NIPBL: variants seen among roughly 807,000 people sequenced by gnomAD.
NIPBL encodes nipped-B-like protein.
Under a neutral mutation model 321.8 loss-of-function variants are expected in NIPBL, and 19 were observed. The ratio of observed to expected loss-of-function variants is 0.06; its 90% confidence interval spans 0.04 to 0.09. NIPBL has a LOEUF of 0.09. Ranked by LOEUF, NIPBL falls within the 10% of genes least tolerant of loss-of-function variation. NIPBL has a pLI of 1.00. For synonymous variants in NIPBL, 1,106 were observed against 1,114.1 expected, an observed-to-expected ratio of 0.99 and a Z score of 0.14; for missense variants, 2,210 against 3,327.0, an observed-to-expected ratio of 0.66 and a Z score of 8.26.
chr5:37,027,557 G>T (rs1750432121), intron 32 of NIPBL, 145 bp downstream of exon 32: 4 of 530,632 alleles, frequency 7.5e-6, no homozygotes, highest in African/African-American at 4.1e-5. Context: ...ATGTTAGGCT[G>T]GATGATTTTG....
intron 17 of NIPBL, 122 bp downstream of exon 17, chr5:37,006,710 T>A (rs1747474204): frequency 3.1e-6 from 2 of 645,356 alleles, no homozygotes; most frequent in African/African-American, 1.8e-5. Flanking sequence ...TGATTTTGAT[T>A]ATGGATTTGA....
intron 1 of NIPBL, chr5:36,886,493 A>G (rs1745916390): frequency 5.3e-6 from 4 of 759,084 alleles, no homozygotes; most frequent in Non-Finnish European, 9.5e-6. Context: ...GTTCTGAGAC[A>G]TTAAGTCAGC....
At chr5:37,046,048 T>C in intron 37 of NIPBL, 61 bp from the exon 38 acceptor site, 1 of 851,510 alleles carries the variant, frequency 1.2e-6, no homozygotes, top group Admixed American at 1.8e-5. Context: ...TTTTCCTTTA[T>C]AGTTGAAAAT....
intron 1 of NIPBL, among the ~76,000 whole-genome samples, chr5:36,943,426 T>A (rs1739330959): frequency 6.6e-6 from 1 of 152,070 alleles, no homozygotes. Flanking sequence ...TGTTTGTAGA[T>A]CATAATGCTC....
At chr5:37,023,489 ATTATT>A (rs1371111036) in intron 29 of NIPBL, among the ~76,000 whole-genome samples, 10 of 152,146 alleles carry the variant, frequency 6.6e-5, no homozygotes, top group African/African-American at 1.9e-4. Flanking sequence ...TTTCTGCTAA[ATTATT>A]TTAAGTCAAA....
At position 36,914,160 on chromosome 5, in the gene NIPBL, G is replaced by T. The variant is rs111399630; in HGVS notation, c.-80+36982G>T. Among the ~76,000 whole-genome samples, 21 of 152,260 alleles carry T rather than the reference G, an allele frequency of 1.4e-4. 1 individual carries two copies. The highest frequency in any genetic ancestry group is 5.1e-4 in the African/African-American group (21 of 41,546). On this transcript the variant is annotated intron_variant, in intron 1 of 46. Transcript: ENST00000282516. ...ATTTCAGCCATGAAATGACACCCAGGTCATTCAGGCACTCACAACCTAGTA... is the reference window on the plus strand; with the variant it reads ...ATTTCAGCCATGAAATGACACCCAGTTCATTCAGGCACTCACAACCTAGTA...
At chr5:37,038,317 C>T (rs930498993) in intron 33 of NIPBL, among the ~76,000 whole-genome samples, 10 of 152,134 alleles carry the variant, frequency 6.6e-5, no homozygotes, top group African/African-American at 2.4e-4. Context: ...ACCAATACGA[C>T]ATTTATTCCC....
At chr5:36,910,073 T>TAA (rs536210925) in intron 1 of NIPBL, among the ~76,000 whole-genome samples, 4 of 136,090 alleles carry the variant, frequency 2.9e-5, no homozygotes, top group Middle Eastern at 3.6e-3. Flanking sequence ...AGACTCAGTC[T>TAA]AAAAAAAAAA....
intron 11 of NIPBL, among the ~76,000 whole-genome samples, chr5:36,997,555 T>C (rs1746274374): frequency 1.3e-5 from 2 of 152,174 alleles, no homozygotes; most frequent in African/African-American, 4.8e-5. Context: ...CCCTGTTATA[T>C]CTATGCCCAA....
Position 37,016,403 on chromosome 5 carries a change from A to AT in NIPBL, c.4776+246dup, listed in dbSNP as rs750364142. Among the ~76,000 whole-genome samples the AT allele has an allele frequency of 1.5e-3, 217 of 146,660 alleles. 1 individual carries two copies. The highest frequency in any genetic ancestry group is 8.3e-3 in the South Asian group (39 of 4,672). ...TACATAAGATAACAGTGCTTTAACA[A>AT]TTTTTTTTTTTTTGGAAATGTTATA... On this transcript the variant is annotated intron_variant, in intron 23 of 46. Coordinates refer to ENST00000282516, the MANE Select transcript of NIPBL (RefSeq NM_133433.4).
At chr5:37,033,730 ATTTTT>A (rs58081432) in intron 32 of NIPBL, among the ~76,000 whole-genome samples, 19 of 21,504 alleles carry the variant, frequency 8.8e-4, no homozygotes, top group African/African-American at 3.7e-3. Flanking sequence ...ATATATATAT[ATTTTT>A]TTTTTTTTTT....
At chr5:37,063,202 T>C (rs994356638) in intron 45 of NIPBL, among the ~76,000 whole-genome samples, 1 of 152,218 alleles carries the variant, frequency 6.6e-6, no homozygotes, top group Non-Finnish European at 1.5e-5. Flanking sequence ...TTTAAAAATC[T>C]ACTTTAAAGC....
chr5:37,010,006 A>G, intron 20 of NIPBL, 81 bp from the exon 21 acceptor site: 1 of 1,060,100 alleles, frequency 9.4e-7, no homozygotes, highest in Non-Finnish European at 1.5e-6. Context: ...CAAACACAGT[A>G]TCGTGAAACT....
intron 16 of NIPBL, among the ~76,000 whole-genome samples, chr5:37,005,897 C>T (rs1747374842): frequency 1.3e-5 from 2 of 152,070 alleles, no homozygotes; most frequent in South Asian, 4.1e-4. Context: ...TGTCGAAAAG[C>T]AGGTGTTAGG....
At chr5:36,949,503 A>G (rs1740040412) in intron 1 of NIPBL, among the ~76,000 whole-genome samples, 1 of 151,870 alleles carries the variant, frequency 6.6e-6, no homozygotes, top group Non-Finnish European at 1.5e-5. Context: ...TGAGGATTAA[A>G]TGAGGATTAA....
At chr5:37,001,307 C>T (rs1218069097) in intron 14 of NIPBL, among the ~76,000 whole-genome samples, 3 of 152,102 alleles carry the variant, frequency 2.0e-5, no homozygotes, top group Non-Finnish European at 4.4e-5. Flanking sequence ...AGGCTTAACT[C>T]AGTTACTCTA....
rs375514857 is a variant in NIPBL at position 36,976,150 on chromosome 5, A to G, written c.1243A>G (p.Asn415Asp). 1.4e-5 allele frequency: 23 copies of G among 1,613,214 alleles called. No homozygotes were observed. The African/African-American group carries it at 2.9e-4, about 21-fold the overall frequency. ...ITPQDINRPLNAAQCLSQQEQ... is the reference protein window; with the variant it reads ...ITPQDINRPLDAAQCLSQQEQ... Reference sequence around the variant, plus strand: ...TCCACAAGATATAAACCGCCCACTAAATGCTGCTCAATGTTTGTCGCAGCA... The same window carrying G: ...TCCACAAGATATAAACCGCCCACTAGATGCTGCTCAATGTTTGTCGCAGCA... The change falls in exon 9 of 47, where the codon AAT becomes GAT. Residue 415 changes from asparagine (N) to aspartate (D), a missense_variant. This residue lies in a region of NIPBL where 464 missense variants were observed against 529.5 expected (regional missense o/e 0.88). Coordinates refer to ENST00000282516, the MANE Select transcript of NIPBL (RefSeq NM_133433.4).
chr5:37,037,778 A>G (rs1225970448), intron 33 of NIPBL, among the ~76,000 whole-genome samples: 3 of 151,676 alleles, frequency 2.0e-5, no homozygotes, highest in African/African-American at 2.4e-5. Context: ...TTTGTTTCCT[A>G]AGAACCAGTG....
chr5:36,921,641 G>A (rs1235833642), intron 1 of NIPBL, among the ~76,000 whole-genome samples: 2 of 152,184 alleles, frequency 1.3e-5, no homozygotes, highest in Non-Finnish European at 2.9e-5. Flanking sequence ...TTTGCCTTCA[G>A]TTAGGGAAAG....
Sources: allele counts gnomAD v4.1 joint callset (sites outside exome capture counted in the v4.1 genomes callset), GRCh38; gene constraint gnomAD v4.1.1; regional missense constraint gnomAD v4.1.1; transcripts MANE v1.5; gene names NCBI Gene and HGNC (gene_info 2026-07-23, HGNC 2026-07-21).